PINX1: variants seen among roughly 807,000 people sequenced by gnomAD.
The protein encoded by PINX1 is PIN2 (TERF1) interacting telomerase inhibitor 1, also known as PIN2/TERF1-interacting telomerase inhibitor 1.
Under a neutral mutation model 25.4 loss-of-function variants are expected in PINX1, and 34 were observed. The ratio of observed to expected loss-of-function variants is 1.34; its 90% CI spans 1.02 to 1.78. The LOEUF (loss-of-function observed/expected upper bound fraction) is 1.78, where lower values mean the gene tolerates loss of function less well. Ranked by LOEUF, PINX1 falls within the 40% of genes most tolerant of loss-of-function variation. The pLI is 0.00. For synonymous variants in PINX1, 197 were observed against 147.7 expected (o/e 1.33, Z -2.42); for missense variants, 592 against 404.9 (o/e 1.46, Z -3.97).
At chr8:10,780,033 G>A (rs565406939) in intron 6 of PINX1, among the ~76,000 whole-genome samples, 1 of 152,284 alleles carries the variant, frequency 6.6e-6, no homozygotes, top group African/African-American at 2.4e-5. Flanking sequence ...GTCATTATCT[G>A]TGTATAGAGA....
intron 1 of PINX1, among the ~76,000 whole-genome samples, chr8:10,838,009 A>G (rs745416569): frequency 2.6e-5 from 4 of 152,360 alleles, no homozygotes; most frequent in Middle Eastern, 3.4e-3. Flanking sequence ...CTAGGCTTCA[A>G]TCACAGGCAG....
At chr8:10,807,870 G>C (rs62492347) in intron 6 of PINX1, among the ~76,000 whole-genome samples, 1 of 152,198 alleles carries the variant, frequency 6.6e-6, no homozygotes, top group Non-Finnish European at 1.5e-5. Context: ...GGCCGAGCCA[G>C]CACCTAGTCC....
chr8:10,816,506 T>C (rs1272626929), intron 6 of PINX1, among the ~76,000 whole-genome samples: 1 of 152,212 alleles, frequency 6.6e-6, no homozygotes, highest in Non-Finnish European at 1.5e-5. Flanking sequence ...CTCCAGCCAA[T>C]AAGGAAGTCA....
chr8:10,809,267 A>T (rs1395099447), intron 6 of PINX1, among the ~76,000 whole-genome samples: 2 of 152,224 alleles, frequency 1.3e-5, no homozygotes, highest in African/African-American at 4.8e-5. Context: ...GCTGGAGGGA[A>T]GATCCTCTAC....
At chr8:10,795,885 T>C (rs935249681) in intron 6 of PINX1, among the ~76,000 whole-genome samples, 10 of 151,502 alleles carry the variant, frequency 6.6e-5, no homozygotes. Flanking sequence ...TTTTTTTTTT[T>C]CATGATGCCT....
rs752445 is a variant in PINX1, at chr8:10,792,760, T to C, written c.472-26844A>G. 5.3e-3 allele frequency among the ~76,000 whole-genome samples: 808 copies of C among 152,318 alleles called. 8 individuals are homozygous for C. The highest frequency in any genetic ancestry group is 6.5e-3 in the Non-Finnish European group (439 of 68,030). Reference sequence around the variant, plus strand: ...AGAACTACTTCAGGGACACGATTAATTGCTGTGATGTGATAAACAGCAGTC... The same window carrying C: ...AGAACTACTTCAGGGACACGATTAACTGCTGTGATGTGATAAACAGCAGTC... On this transcript the variant is annotated intron_variant, in intron 6 of 6. Coordinates refer to ENST00000314787, the MANE Select transcript of PINX1 (RefSeq NM_017884.6).
chr8:10,775,130 T>G (rs1406205302), intron 6 of PINX1, among the ~76,000 whole-genome samples: 2 of 152,196 alleles, frequency 1.3e-5, no homozygotes, highest in Non-Finnish European at 2.9e-5. Flanking sequence ...TTACTGCTAT[T>G]AAATATATAA....
intron 6 of PINX1, among the ~76,000 whole-genome samples, chr8:10,774,412 G>C (rs917425817): frequency 6.6e-6 from 1 of 151,974 alleles, no homozygotes; most frequent in Non-Finnish European, 1.5e-5. Flanking sequence ...CTCCCGAGTA[G>C]CTGGGATTAC....
chr8:10,812,101 C>T (rs1797542134), intron 6 of PINX1, among the ~76,000 whole-genome samples: 2 of 152,212 alleles, frequency 1.3e-5, no homozygotes, highest in African/African-American at 4.8e-5. Context: ...TGACACTCAA[C>T]AGTTGCAGTT....
At chr8:10,777,325 G>A (rs1801425502) in intron 6 of PINX1, among the ~76,000 whole-genome samples, 1 of 152,232 alleles carries the variant, frequency 6.6e-6, no homozygotes, top group African/African-American at 2.4e-5. Flanking sequence ...GGCTCCTCTA[G>A]AAAGCAGAGG....
intron 6 of PINX1, among the ~76,000 whole-genome samples, chr8:10,810,215 C>G (rs921480481): frequency 6.6e-6 from 1 of 152,232 alleles, no homozygotes; most frequent in Admixed American, 6.5e-5. Context: ...GGAGGGGACA[C>G]ACGTCCAAAC....
chr8:10,765,996 G>A (rs1056523493), intron 6 of PINX1, 80 bp from the exon 7 acceptor site: 80 of 1,410,326 alleles, frequency 5.7e-5, no homozygotes, highest in Admixed American at 1.1e-4. Flanking sequence ...ACCCACACCC[G>A]GCGCTCACAC....
chr8:10,788,497 G>A (rs1801822064), intron 6 of PINX1, among the ~76,000 whole-genome samples: 1 of 152,120 alleles, frequency 6.6e-6, no homozygotes, highest in Non-Finnish European at 1.5e-5. Flanking sequence ...ACCGGGAGGT[G>A]GAGGGTGCAG....
chr8:10,803,645 T>C (rs1802341118), intron 6 of PINX1, among the ~76,000 whole-genome samples: 1 of 152,242 alleles, frequency 6.6e-6, no homozygotes, highest in Non-Finnish European at 1.5e-5. Flanking sequence ...AGAGATTTGA[T>C]TAGATTTAGG....
intron 6 of PINX1, among the ~76,000 whole-genome samples, chr8:10,817,921 G>T (rs1797750071): frequency 7.9e-6 from 1 of 126,118 alleles, no homozygotes; most frequent in Admixed American, 8.0e-5. Context: ...GCAACAATTG[G>T]GGAGGAATTA....
intron 6 of PINX1, among the ~76,000 whole-genome samples, chr8:10,806,862 C>T (rs1274284682): frequency 1.3e-5 from 2 of 152,078 alleles, no homozygotes; most frequent in Admixed American, 1.3e-4. Flanking sequence ...ATGGCCCCAG[C>T]GAGAGGGCTT....
chr8:10,798,862 A>T (rs1458012415), intron 6 of PINX1, among the ~76,000 whole-genome samples: 1 of 152,222 alleles, frequency 6.6e-6, no homozygotes, highest in Non-Finnish European at 1.5e-5. Context: ...CCACCGGGTG[A>T]TTCTGCCAGC....
In PINX1 at chr8:10,765,654, G is replaced by C; in HGVS notation, c.734C>G (p.Ala245Gly). The part of the protein sequence containing the change: ...HTEGKPERAE[A>G]QERVAKKKSA... ...CTTCTTCTTGGCCACTCGCTCCTGG[G>C]CCTCGGCCCTCTCGGGCTTTCCCTC... Residue 245 changes from alanine (A) to glycine (G), a missense_variant, in exon 7 of 7, where the codon GCC becomes GGC. Transcript: ENST00000314787. The C allele has an allele frequency of 8.7e-6, 14 of 1,613,960 alleles. No homozygotes were observed. Among genetic ancestry groups the C allele is most frequent in the Non-Finnish European group, 1.2e-5 (14 of 1,179,894 alleles).
At chr8:10,789,311 G>A (rs1394696097) in intron 6 of PINX1, among the ~76,000 whole-genome samples, 3 of 152,210 alleles carry the variant, frequency 2.0e-5, no homozygotes, top group Non-Finnish European at 4.4e-5. Context: ...AGTGACAGAG[G>A]AAGACTCTAT....
Sources: allele counts gnomAD v4.1 joint callset (sites outside exome capture counted in the v4.1 genomes callset), GRCh38; gene constraint gnomAD v4.1.1; transcripts MANE v1.5; gene names NCBI Gene and HGNC (gene_info 2026-07-23, HGNC 2026-07-21).